GTF2E2: variants seen among roughly 807,000 people sequenced by gnomAD.
GTF2E2 encodes transcription initiation factor IIE subunit beta.
A neutral mutation model predicts 40.5 loss-of-function variants in GTF2E2; 21 were observed. The observed-to-expected ratio is 0.52, with a 90% confidence interval of 0.37 to 0.75. GTF2E2 has a LOEUF of 0.75. Among genes scored for constraint, GTF2E2 ranks in the 30% least tolerant of loss-of-function variants. The probability of loss-of-function intolerance (pLI) is 0.00; values close to 1 mark genes in which losing one functional copy is unlikely to be tolerated. For missense variants in GTF2E2, 298 were observed against 338.4 expected, an observed-to-expected ratio of 0.88 and a Z score of 0.94; for synonymous variants, 117 against 121.6, an observed-to-expected ratio of 0.96 and a Z score of 0.25.
intron 6 of GTF2E2, among the ~76,000 whole-genome samples, chr8:30,599,757 G>C (rs1323498325): frequency 6.6e-6 from 1 of 152,050 alleles, no homozygotes; most frequent in African/African-American, 2.4e-5. Flanking sequence ...GGCCAAGGTG[G>C]GCAGATCACT....
At chr8:30,628,137 C>T (rs1801338817) in intron 3 of GTF2E2, among the ~76,000 whole-genome samples, 1 of 152,196 alleles carries the variant, frequency 6.6e-6, no homozygotes. Context: ...TACTTTCTCC[C>T]TCTTTCAACA....
chr8:30,583,663 A>C (rs1275738427), intron 6 of GTF2E2, among the ~76,000 whole-genome samples: 3 of 152,168 alleles, frequency 2.0e-5, no homozygotes, highest in Non-Finnish European at 4.4e-5. Context: ...TACCAGCCTG[A>C]GCCACTGTGC....
intron 6 of GTF2E2, among the ~76,000 whole-genome samples, chr8:30,586,224 A>C (rs947529827): frequency 3.9e-5 from 6 of 152,204 alleles, no homozygotes; most frequent in African/African-American, 1.4e-4. Context: ...TCCAGAAAAT[A>C]GGACATTTCT....
rs144775557 is a variant in GTF2E2 at position 30,598,341 on chromosome 8, C to T, written c.643+8716G>A. On this transcript the variant is annotated intron_variant, in intron 6 of 7. Transcript: ENST00000355904. ...ACAATCGCAGAGGTAATATTACCTA[C>T]TTAAATAGTGGCAGCAATGGTCTGG... is the stretch of plus-strand genomic sequence containing the variant. Among the ~76,000 whole-genome samples the T allele has an allele frequency of 6.0e-3, 913 of 152,290 alleles. 8 individuals carry two copies. Among genetic ancestry groups the T allele is most frequent in the African/African-American group, 0.021 (859 of 41,560 alleles).
At position 30,612,300 on chromosome 8, in the gene GTF2E2, T is replaced by C. The variant is rs2978277; in HGVS notation, c.548A>G (p.Lys183Arg). ...ACATAGAAAGAAAAGAGAGATTACC[T>C]TGACAGCTTTCTGGGAATTGGGCAG... The part of the protein sequence containing the change: ...EALPNSQKAV[K>R]ALGDQILFVN... The change falls in exon 5 of 8, where the codon AAG becomes AGG. Residue 183 changes from lysine to arginine, a missense_variant and splice_region_variant. Transcript: ENST00000355904. 7,924 of 1,585,516 alleles carry C rather than the reference T, an allele frequency of 5.0e-3. 39 individuals are homozygous for C. The highest frequency in any genetic ancestry group is 6.3e-3 in the Non-Finnish European group (7,332 of 1,155,538).
chr8:30,639,360 CA>C (rs947266310), intron 2 of GTF2E2, among the ~76,000 whole-genome samples: 4 of 152,238 alleles, frequency 2.6e-5, no homozygotes, highest in African/African-American at 9.6e-5. Flanking sequence ...TGCTATTAAA[CA>C]AAAACCTTCT....
intron 6 of GTF2E2, chr8:30,597,433 G>C (rs1204322024): frequency 2.0e-5 from 3 of 152,224 alleles, no homozygotes; most frequent in Non-Finnish European, 4.4e-5. Context: ...CTGTGGAGAA[G>C]AGCCTGTGAG....
intron 6 of GTF2E2, among the ~76,000 whole-genome samples, chr8:30,604,552 C>T (rs538673193): frequency 6.6e-6 from 1 of 152,232 alleles, no homozygotes; most frequent in South Asian, 2.1e-4. Flanking sequence ...AGCCATACAT[C>T]GTTATGGAAT....
At chr8:30,639,797 T>C (rs926366947) in intron 2 of GTF2E2, among the ~76,000 whole-genome samples, 1 of 152,032 alleles carries the variant, frequency 6.6e-6, no homozygotes, top group Non-Finnish European at 1.5e-5. Flanking sequence ...TTCTATTCCT[T>C]TTCTTAGTCG....
At chr8:30,600,243 T>A (rs924377853) in intron 6 of GTF2E2, among the ~76,000 whole-genome samples, 1 of 152,230 alleles carries the variant, frequency 6.6e-6, no homozygotes, top group African/African-American at 2.4e-5. Flanking sequence ...TTCTTTGCTA[T>A]CTGTTTAACC....
At chr8:30,623,600 T>C (rs1413352934) in intron 3 of GTF2E2, among the ~76,000 whole-genome samples, 14 of 152,048 alleles carry the variant, frequency 9.2e-5, no homozygotes, top group Non-Finnish European at 1.5e-4. Flanking sequence ...CACTGACTTC[T>C]ACAATGGTTG....
At chr8:30,641,887 A>G in intron 2 of GTF2E2, among the ~76,000 whole-genome samples, 1 of 152,188 alleles carries the variant, frequency 6.6e-6, no homozygotes, top group East Asian at 1.9e-4. Flanking sequence ...AACCAAAAAC[A>G]AACTCCTGTG....
intron 6 of GTF2E2, among the ~76,000 whole-genome samples, chr8:30,600,023 G>GC (rs1456479694): frequency 6.6e-6 from 1 of 152,046 alleles, no homozygotes; most frequent in Non-Finnish European, 1.5e-5. Flanking sequence ...CAGTATGAGA[G>GC]CCCCAGAGCA....
At chr8:30,598,299 T>A (rs1417344829) in intron 6 of GTF2E2, among the ~76,000 whole-genome samples, 1 of 152,230 alleles carries the variant, frequency 6.6e-6, no homozygotes, top group Admixed American at 6.5e-5. Context: ...GCTTACATAC[T>A]GCGGACCTCT....
Position 30,658,028 on chromosome 8 carries a change from T to G in GTF2E2, c.-60A>C, listed in dbSNP as rs901289090. On this transcript the variant is annotated 5_prime_UTR_variant, in exon 1 of 8. Transcript: ENST00000355904. Reference sequence around the variant, plus strand: ...GCCGCCCCCTTCCTGCGCCTCCGCCTCGGCCGGCCGCCCACGCCGGCACTG... The same window carrying G: ...GCCGCCCCCTTCCTGCGCCTCCGCCGCGGCCGGCCGCCCACGCCGGCACTG... The G allele has an allele frequency of 2.6e-5, 4 of 155,458 alleles. No homozygotes were observed. 9.6% of individuals were successfully genotyped at this position (155,458 alleles called of 1,614,324 possible). A position where few individuals can be genotyped will look rare whatever the true frequency, so the allele number is the denominator to read the frequency against.
intron 3 of GTF2E2, among the ~76,000 whole-genome samples, chr8:30,629,414 CTG>C (rs1801374508): frequency 6.6e-6 from 1 of 152,008 alleles, no homozygotes; most frequent in South Asian, 2.1e-4. Flanking sequence ...TAAAAACAGA[CTG>C]TTGCTCACGC....
In GTF2E2 at chr8:30,606,982, T is replaced by C. The variant is rs576264991; in HGVS notation, c.643+75A>G. On this transcript the variant is annotated intron_variant, in intron 6 of 7. Coordinates refer to ENST00000355904, the MANE Select transcript of GTF2E2 (RefSeq NM_002095.6). ...CAATATAAGATTTAAATTATAATTG[T>C]ATTATAAATATTAATTTTACCACCC... is the stretch of plus-strand genomic sequence containing the variant. 8.9e-6 allele frequency: 5 copies of C among 563,010 alleles called. No homozygotes were observed. In the South Asian group the frequency reaches 1.4e-4, roughly 16 times the overall value. 34.9% of individuals were successfully genotyped at this position (563,010 alleles called of 1,614,324 possible). A position where few individuals can be genotyped will look rare whatever the true frequency, so the allele number is the denominator to read the frequency against.
chr8:30,657,518 G>C (rs1802484098), intron 1 of GTF2E2: 1 of 152,178 alleles, frequency 6.6e-6, no homozygotes, highest in African/African-American at 2.4e-5. Context: ...GGGCCGCAGC[G>C]TTGTTTAGAC....
At chr8:30,631,873 A>AT (rs1279102350) in intron 3 of GTF2E2, among the ~76,000 whole-genome samples, 2 of 152,162 alleles carry the variant, frequency 1.3e-5, no homozygotes, top group Non-Finnish European at 2.9e-5. Flanking sequence ...AGGCAGGCGG[A>AT]TCACTTGAGG....
Sources: allele counts gnomAD v4.1 joint callset (sites outside exome capture counted in the v4.1 genomes callset), GRCh38; gene constraint gnomAD v4.1.1; transcripts MANE v1.5; gene names NCBI Gene and HGNC (gene_info 2026-07-23, HGNC 2026-07-21).